NRXN1: variants seen among roughly 807,000 people sequenced by gnomAD.
NRXN1 encodes neurexin-1.
Under a neutral mutation model 150.9 loss-of-function variants are expected in NRXN1, and 39 were observed. The observed-to-expected ratio is 0.26, with a 90% CI of 0.20 to 0.34. NRXN1 has a LOEUF of 0.34. Among genes scored for constraint, NRXN1 ranks in the 10% least tolerant of loss-of-function variants. NRXN1 has a pLI of 1.00. For synonymous variants in NRXN1, 924 were observed against 757.0 expected (o/e 1.22, Z -3.62); for missense variants, 1,815 against 1,949.9 (o/e 0.93, Z 1.30).
At chr2:50,429,236 T>C (rs1348105221) in intron 17 of NRXN1, among the ~76,000 whole-genome samples, 2 of 151,884 alleles carry the variant, frequency 1.3e-5, no homozygotes, top group Non-Finnish European at 2.9e-5. Flanking sequence ...AATCATCTCT[T>C]TTTTTAGGAA....
chr2:50,266,002 AT>A (rs747310591), intron 17 of NRXN1, among the ~76,000 whole-genome samples: 9,306 of 84,396 alleles, frequency 0.11, 313 homozygotes, highest in Middle Eastern at 0.21. Flanking sequence ...ATTATTATTT[AT>A]TTTTTTTTTT....
chr2:51,031,657 T>C (rs1486091141), intron 1 of NRXN1, among the ~76,000 whole-genome samples: 1 of 152,132 alleles, frequency 6.6e-6, no homozygotes, highest in African/African-American at 2.4e-5. Flanking sequence ...GGGCACAGTG[T>C]GGGGCTGATG....
chr2:50,038,923 T>C (rs1690484719), intron 21 of NRXN1, among the ~76,000 whole-genome samples: 1 of 152,070 alleles, frequency 6.6e-6, no homozygotes, highest in Admixed American at 6.6e-5. Context: ...ATCATGCCTG[T>C]AATCCCAGCA....
At chr2:49,952,770 G>A (rs546317245) in intron 21 of NRXN1, among the ~76,000 whole-genome samples, 1 of 151,910 alleles carries the variant, frequency 6.6e-6, no homozygotes, top group African/African-American at 2.4e-5. Context: ...AACTTCCAAG[G>A]TCTCTCTCTT....
chr2:50,988,878 T>C (rs1698116155), intron 2 of NRXN1, among the ~76,000 whole-genome samples: 1 of 151,946 alleles, frequency 6.6e-6, no homozygotes, highest in African/African-American at 2.4e-5. Flanking sequence ...GTATCTACTC[T>C]ACTAGGTGGT....
chr2:50,153,560 T>C (rs924716489), intron 18 of NRXN1, among the ~76,000 whole-genome samples: 1 of 151,776 alleles, frequency 6.6e-6, no homozygotes, highest in African/African-American at 2.4e-5. Flanking sequence ...GGGATCAGCC[T>C]GAGCTATAAA....
chr2:50,607,287 G>C (rs900809246), intron 8 of NRXN1, among the ~76,000 whole-genome samples: 1 of 152,084 alleles, frequency 6.6e-6, no homozygotes, highest in African/African-American at 2.4e-5. Context: ...GTTTCTACTT[G>C]TGTCAGTTAA....
At chr2:50,090,211 G>T (rs1558856060) in intron 19 of NRXN1, among the ~76,000 whole-genome samples, 1 of 152,018 alleles carries the variant, frequency 6.6e-6, no homozygotes, top group Admixed American at 6.6e-5. Flanking sequence ...GGTCCAGAAG[G>T]GTATTATAGA....
At chr2:50,499,898 A>G (rs1194057154) in intron 13 of NRXN1, among the ~76,000 whole-genome samples, 1 of 148,888 alleles carries the variant, frequency 6.7e-6, no homozygotes, top group Non-Finnish European at 1.5e-5. Flanking sequence ...CAGTGAGCTG[A>G]GATTGCACCA....
At chr2:50,684,757 T>C (rs893770808) in intron 5 of NRXN1, among the ~76,000 whole-genome samples, 18 of 152,150 alleles carry the variant, frequency 1.2e-4, no homozygotes, top group African/African-American at 4.1e-4. Context: ...CCAGTTTAGA[T>C]TGTTAAGGTA....
At chr2:50,655,938 C>A (rs1013083109) in intron 5 of NRXN1, among the ~76,000 whole-genome samples, 4 of 151,894 alleles carry the variant, frequency 2.6e-5, no homozygotes, top group Non-Finnish European at 5.9e-5. Flanking sequence ...TAATTAAACT[C>A]AAATCACTTT....
intron 18 of NRXN1, among the ~76,000 whole-genome samples, chr2:50,202,746 T>TC: frequency 6.6e-6 from 1 of 152,114 alleles, no homozygotes; most frequent in African/African-American, 2.4e-5. Flanking sequence ...ACCAAATAGC[T>TC]TCAACATTTA....
At chr2:50,037,247 T>A (rs1039823149) in intron 21 of NRXN1, among the ~76,000 whole-genome samples, 6 of 152,150 alleles carry the variant, frequency 3.9e-5, no homozygotes, top group Non-Finnish European at 8.8e-5. Context: ...TTCTTTTTTT[T>A]AAGTCAGTTT....
intron 15 of NRXN1, among the ~76,000 whole-genome samples, chr2:50,491,217 A>C (rs2091233709): frequency 6.6e-6 from 1 of 152,230 alleles, no homozygotes; most frequent in African/African-American, 2.4e-5. Flanking sequence ...TTACTGAATG[A>C]CAGCAGTAAA....
chr2:50,637,835 A>G (rs1011188592), intron 5 of NRXN1, among the ~76,000 whole-genome samples: 2 of 151,904 alleles, frequency 1.3e-5, no homozygotes, highest in Non-Finnish European at 2.9e-5. Flanking sequence ...ATTCATTAAC[A>G]CCTGGTATGG....
At chr2:50,214,817 A>G (rs544932898) in intron 18 of NRXN1, among the ~76,000 whole-genome samples, 1 of 152,150 alleles carries the variant, frequency 6.6e-6, no homozygotes, top group South Asian at 2.1e-4. Context: ...GATGACTTCA[A>G]TGTTTCAAAG....
intron 21 of NRXN1, among the ~76,000 whole-genome samples, chr2:49,983,249 T>C (rs1027124516): frequency 6.6e-6 from 1 of 152,192 alleles, no homozygotes; most frequent in African/African-American, 2.4e-5. Flanking sequence ...GATGAGCCGC[T>C]GTCCACTTCA....
At position 51,030,579 on chromosome 2, in the gene NRXN1, G is replaced by C. The variant is rs550170137; in HGVS notation, c.-921-1385C>G. Among the ~76,000 whole-genome samples, 96 of 151,440 alleles carry C rather than the reference G, an allele frequency of 6.3e-4. 2 individuals are homozygous for C. Among genetic ancestry groups the C allele is most frequent in the African/African-American group, 2.2e-3 (92 of 41,048 alleles). ...ACACACACACACACACACAGTGTGG[G>C]TGTGCGCACATACACACTGCCCACT... On this transcript the variant is annotated intron_variant, in intron 1 of 22. Coordinates refer to ENST00000401669, the MANE Select transcript of NRXN1 (RefSeq NM_001330078.2).
At chr2:50,968,518 T>C (rs1347509600) in intron 2 of NRXN1, among the ~76,000 whole-genome samples, 1 of 152,104 alleles carries the variant, frequency 6.6e-6, no homozygotes, top group African/African-American at 2.4e-5. Flanking sequence ...ACTCTTCTGG[T>C]GGTAATCTGG....
Sources: allele counts gnomAD v4.1 joint callset (sites outside exome capture counted in the v4.1 genomes callset), GRCh38; gene constraint gnomAD v4.1.1; transcripts MANE v1.5; gene names NCBI Gene and HGNC (gene_info 2026-07-23, HGNC 2026-07-21).